The following NRXN1 variants were observed in gnomAD, a reference collection of about 807,000 sequenced individuals.
NRXN1 encodes neurexin-1.
NRXN1 carries 39 observed loss-of-function variants against 150.9 expected under a neutral mutation model. The ratio of observed to expected loss-of-function variants is 0.26; its 90% confidence interval spans 0.20 to 0.34. NRXN1 has a LOEUF of 0.34. Among genes scored for constraint, NRXN1 ranks in the 10% least tolerant of loss-of-function variants. The probability of loss-of-function intolerance (pLI) is 1.00; values close to 1 mark genes in which losing one functional copy is unlikely to be tolerated. For synonymous variants in NRXN1, 924 were observed against 757.0 expected (o/e 1.22, Z -3.62); for missense variants, 1,815 against 1,949.9 (o/e 0.93, Z 1.30).
Position 50,829,697 on chromosome 2 carries a change from C to G in NRXN1, c.832+92172G>C. ...GACACAGCGGAGCGCCGCGCCAGGC[C>G]GCCCGCACACCCAGAGCTCGCCCAC... On this transcript the variant is annotated intron_variant, in intron 5 of 22. Coordinates refer to ENST00000401669, the MANE Select transcript of NRXN1 (RefSeq NM_001330078.2). 1.2e-6 allele frequency: 2 copies of G among 1,604,842 alleles called. 1 individual carries two copies. The highest frequency in any genetic ancestry group is 2.2e-5 in the South Asian group (2 of 90,104).
intron 12 of NRXN1, among the ~76,000 whole-genome samples, chr2:50,516,335 G>T (rs1365938822): frequency 3.3e-5 from 5 of 152,184 alleles, no homozygotes; most frequent in Non-Finnish European, 5.9e-5. Context: ...TGCATAAGTT[G>T]TATGCTGTTG....
At chr2:50,592,484 A>G (rs570611927) in intron 8 of NRXN1, among the ~76,000 whole-genome samples, 3 of 152,332 alleles carry the variant, frequency 2.0e-5, no homozygotes, top group Admixed American at 6.5e-5. Context: ...GTGAGGAGAA[A>G]CAGAAGTTCA....
intron 8 of NRXN1, among the ~76,000 whole-genome samples, chr2:50,567,439 A>G (rs1313236348): frequency 6.6e-6 from 1 of 152,150 alleles, no homozygotes; most frequent in Non-Finnish European, 1.5e-5. Context: ...CAGGTAAGTG[A>G]GATACTCACT....
At chr2:50,529,161 G>C (rs183420042) in intron 11 of NRXN1, among the ~76,000 whole-genome samples, 216 of 152,226 alleles carry the variant, frequency 1.4e-3, no homozygotes, top group Non-Finnish European at 2.0e-3. Flanking sequence ...AAGGGTTTTT[G>C]TTTTGTTTTT....
intron 5 of NRXN1, among the ~76,000 whole-genome samples, chr2:50,741,589 G>C (rs1285520394): frequency 6.6e-6 from 1 of 151,916 alleles, no homozygotes; most frequent in African/African-American, 2.4e-5. Context: ...AAATTTGTGG[G>C]TTCCTAAAAT....
At chr2:50,277,709 C>G (rs1440558892) in intron 17 of NRXN1, among the ~76,000 whole-genome samples, 2 of 152,040 alleles carry the variant, frequency 1.3e-5, no homozygotes, top group South Asian at 2.1e-4. Context: ...GGTAGCACAC[C>G]CATTAAAGCA....
rs201690141 is a variant in NRXN1 at position 51,028,354 on chromosome 2, G to A, written c.-81C>T. 1.3e-5 allele frequency: 12 copies of A among 929,772 alleles called. No individual in the cohort carries two copies. The highest frequency in any genetic ancestry group is 1.7e-5 in the Non-Finnish European group (11 of 664,064). 57.6% of individuals were successfully genotyped at this position (929,772 alleles called of 1,614,324 possible). A position where few individuals can be genotyped will look rare whatever the true frequency, so the allele number is the denominator to read the frequency against. On this transcript the variant is annotated 5_prime_UTR_variant, in exon 2 of 23. Coordinates refer to ENST00000401669, the MANE Select transcript of NRXN1 (RefSeq NM_001330078.2). ...CTGGACACCGTGACGAAGAAATAAG[G>A]GTCCCGAGAGACAGAAAGGTAAGGG...
At chr2:50,552,501 A>G (rs1012191920) in intron 9 of NRXN1, 86 bp downstream of exon 9, 2 of 975,018 alleles carry the variant, frequency 2.1e-6, no homozygotes, top group Admixed American at 4.4e-5. Context: ...GAAGTCTTTA[A>G]TATGTCTTGG....
chr2:50,437,621 G>A (rs375324381), intron 17 of NRXN1, among the ~76,000 whole-genome samples: 4 of 152,084 alleles, frequency 2.6e-5, no homozygotes, highest in African/African-American at 9.7e-5. Flanking sequence ...GAAGGAAAAG[G>A]TGGAGGCAAA....
At chr2:50,243,727 G>A (rs1042912935) in intron 17 of NRXN1, among the ~76,000 whole-genome samples, 1 of 151,774 alleles carries the variant, frequency 6.6e-6, no homozygotes, top group African/African-American at 2.4e-5. Context: ...AAATTTTTAA[G>A]GGGATCAGAG....
intron 5 of NRXN1, among the ~76,000 whole-genome samples, chr2:50,831,776 A>G (rs186568620): frequency 2.4e-4 from 37 of 152,318 alleles, no homozygotes; most frequent in Admixed American, 7.2e-4. Flanking sequence ...CTGGTGGCAG[A>G]CTATTCATGT....
At chr2:50,337,045 T>C (rs1016280086) in intron 17 of NRXN1, among the ~76,000 whole-genome samples, 18 of 151,972 alleles carry the variant, frequency 1.2e-4, no homozygotes, top group African/African-American at 4.1e-4. Context: ...GACAGCATAA[T>C]GTAGAGGTTA....
At chr2:50,943,593 G>A (rs1403377390) in intron 2 of NRXN1, among the ~76,000 whole-genome samples, 2 of 152,118 alleles carry the variant, frequency 1.3e-5, no homozygotes, top group Non-Finnish European at 2.9e-5. Flanking sequence ...ATATGTAACT[G>A]TTCACATCTA....
chr2:50,156,880 C>T (rs1401605957), intron 18 of NRXN1, among the ~76,000 whole-genome samples: 1 of 151,980 alleles, frequency 6.6e-6, no homozygotes, highest in Non-Finnish European at 1.5e-5. Flanking sequence ...CACTAAAGTG[C>T]TATAAGAAAA....
At chr2:50,229,717 A>G (rs2064759011) in intron 18 of NRXN1, among the ~76,000 whole-genome samples, 1 of 152,114 alleles carries the variant, frequency 6.6e-6, no homozygotes, top group Admixed American at 6.6e-5. Context: ...TTATGGAAAA[A>G]TTGGTTACAC....
intron 5 of NRXN1, among the ~76,000 whole-genome samples, chr2:50,724,085 T>C (rs930975558): frequency 6.6e-6 from 1 of 152,210 alleles, no homozygotes; most frequent in Non-Finnish European, 1.5e-5. Flanking sequence ...ACTTTTGTAA[T>C]ACTAAAACCC....
At chr2:50,837,893 T>C (rs1672334543) in intron 5 of NRXN1, among the ~76,000 whole-genome samples, 1 of 152,118 alleles carries the variant, frequency 6.6e-6, no homozygotes, top group African/African-American at 2.4e-5. Flanking sequence ...CACTCAGAAA[T>C]ACTTAAATAT....
chr2:50,914,457 T>C (rs1265471334), intron 5 of NRXN1, among the ~76,000 whole-genome samples: 7 of 151,764 alleles, frequency 4.6e-5, no homozygotes, highest in Non-Finnish European at 8.8e-5. Context: ...GTTACTTGTA[T>C]AGACACAGAG....
chr2:50,709,149 C>T (rs997719204), intron 5 of NRXN1, among the ~76,000 whole-genome samples: 10 of 152,114 alleles, frequency 6.6e-5, no homozygotes, highest in Non-Finnish European at 1.3e-4. Context: ...CAGGCAACCA[C>T]ATGAGCTTAC....
Sources: gnomAD v4.1 joint callset for allele counts (sites outside exome capture counted in the v4.1 genomes callset) on GRCh38, gnomAD v4.1.1 for gene constraint, MANE v1.5 for transcripts, NCBI Gene and HGNC (gene_info 2026-07-23, HGNC 2026-07-21) for gene names.